The following RIGI variants were observed in gnomAD, a reference collection of about 807,000 sequenced individuals.
RIGI encodes the protein antiviral innate immune response receptor RIG-I.
chr9:32,488,917 T>A, the RIGI span: 1 of 1,568,660 alleles, frequency 6.4e-7, no homozygotes, highest in Non-Finnish European at 8.7e-7. Context: ...AAAGAAAACA[T>A]GTAACTCATA....
the RIGI span, among the ~76,000 whole-genome samples, chr9:32,490,243 G>A: frequency 3.9e-5 from 6 of 152,110 alleles, no homozygotes; most frequent in African/African-American, 1.4e-4. Flanking sequence ...CAGATGTGGT[G>A]GCACATGCCT....
the RIGI span, chr9:32,456,016 A>G: frequency 6.6e-6 from 1 of 152,098 alleles, no homozygotes; most frequent in African/African-American, 2.4e-5. Context: ...CGTCCAGGAA[A>G]CCGCAAACTA....
the RIGI span, among the ~76,000 whole-genome samples, chr9:32,514,396 TA>T: frequency 3.3e-5 from 5 of 152,152 alleles, no homozygotes; most frequent in South Asian, 1.0e-3. Flanking sequence ...TACGCAGCCA[TA>T]AAAAAGAATG....
chr9:32,489,346 G>A, the RIGI span: 1 of 1,605,636 alleles, frequency 6.2e-7, no homozygotes, highest in South Asian at 1.1e-5. Context: ...AGGCTTACCT[G>A]TAGGAGCACA....
the RIGI span, among the ~76,000 whole-genome samples, chr9:32,469,546 C>T: frequency 1.4e-4 from 21 of 152,194 alleles, no homozygotes; most frequent in Admixed American, 1.3e-3. Flanking sequence ...AGTGCACTTC[C>T]GAACTGCGGG....
chr9:32,459,589 A>G, the RIGI span: 1 of 1,403,132 alleles, frequency 7.1e-7, no homozygotes, highest in Non-Finnish European at 9.7e-7. Context: ...AGATACGTAC[A>G]ATACATATAC....
chr9:32,472,506 T>C, the RIGI span, among the ~76,000 whole-genome samples: 124 of 152,342 alleles, frequency 8.1e-4, 1 homozygote, highest in African/African-American at 2.8e-3. Flanking sequence ...CCCTAATCAG[T>C]TGACTTTAAG....
the RIGI span, chr9:32,468,037 G>A: frequency 1.0e-6 from 1 of 1,003,082 alleles, no homozygotes; most frequent in Non-Finnish European, 1.4e-6. Flanking sequence ...CAAGTACTGT[G>A]ATAAGTACTT....
the RIGI span, among the ~76,000 whole-genome samples, chr9:32,463,455 T>C: frequency 6.6e-6 from 1 of 152,254 alleles, no homozygotes; most frequent in Non-Finnish European, 1.5e-5. Context: ...AAGGTGAAAA[T>C]ATAACCTTGC....
the RIGI span, among the ~76,000 whole-genome samples, chr9:32,512,807 A>T: frequency 6.6e-6 from 1 of 152,144 alleles, no homozygotes; most frequent in Non-Finnish European, 1.5e-5. Flanking sequence ...ACATGATTGT[A>T]TATCTAGAAA....
At chr9:32,477,649 G>C in the RIGI span, among the ~76,000 whole-genome samples, 2 of 152,172 alleles carry the variant, frequency 1.3e-5, no homozygotes, top group Non-Finnish European at 2.9e-5. Context: ...GTCAGGCCGG[G>C]TGTGGTGGCT....
the RIGI span, among the ~76,000 whole-genome samples, chr9:32,486,654 A>G: frequency 6.6e-6 from 1 of 151,920 alleles, no homozygotes. Flanking sequence ...TGTACAAAGG[A>G]AGCACAGACA....
the RIGI span, chr9:32,525,947 C>T: frequency 3.5e-6 from 3 of 860,642 alleles, no homozygotes; most frequent in East Asian, 8.0e-5. Flanking sequence ...GATCTTACCA[C>T]AAACCTGGGG....
At chr9:32,505,533 C>T in the RIGI span, among the ~76,000 whole-genome samples, 1 of 152,130 alleles carries the variant, frequency 6.6e-6, no homozygotes, top group Non-Finnish European at 1.5e-5. Context: ...TCTTCAGGGA[C>T]TTCATAGTTT....
chr9:32,493,538 G>C, the RIGI span, among the ~76,000 whole-genome samples: 1 of 152,006 alleles, frequency 6.6e-6, no homozygotes. Flanking sequence ...CAGGAGAATT[G>C]GTTGAACTCA....
At chr9:32,462,483 A>G in the RIGI span, among the ~76,000 whole-genome samples, 2 of 136,618 alleles carry the variant, frequency 1.5e-5, no homozygotes, top group African/African-American at 5.6e-5. Context: ...ATCTCAGCTC[A>G]CTGCAACTTC....
the RIGI span, among the ~76,000 whole-genome samples, chr9:32,457,943 G>A: frequency 6.6e-6 from 1 of 152,052 alleles, no homozygotes; most frequent in African/African-American, 2.4e-5. Context: ...AAAACATAGG[G>A]TCTAAAAGGG....
the RIGI span, among the ~76,000 whole-genome samples, chr9:32,462,499 C>A: frequency 4.3e-3 from 644 of 148,284 alleles, 6 homozygotes; most frequent in African/African-American, 0.015. Flanking sequence ...ACTTCCAGCT[C>A]CTGGGTTCAA....
At chr9:32,493,736 AT>A in the RIGI span, 1 of 1,428,816 alleles carries the variant, frequency 7.0e-7, no homozygotes, top group Non-Finnish European at 9.6e-7. Flanking sequence ...ATTTCCCCCA[AT>A]TTTAGTATTT....
Sources: gnomAD v4.1 joint callset for allele counts (sites outside exome capture counted in the v4.1 genomes callset) on GRCh38, gnomAD v4.1.1 for gene constraint, MANE v1.5 for transcripts, NCBI Gene and HGNC (gene_info 2026-07-23, HGNC 2026-07-21) for gene names.